The following MED27 variants were observed in gnomAD, a reference collection of about 807,000 sequenced individuals.
MED27 encodes the protein mediator complex subunit 27, also known as mediator of RNA polymerase II transcription subunit 27.
In MED27, 30 loss-of-function variants were observed where a neutral mutation model predicts 38.2. The observed-to-expected ratio is 0.79, with a 90% CI of 0.59 to 1.07. The LOEUF (loss-of-function observed/expected upper bound fraction) is 1.07. Among genes scored for constraint, MED27 ranks in the 50% least tolerant of loss-of-function variants. The probability of loss-of-function intolerance (pLI) is 0.00; values close to 1 mark genes in which losing one functional copy is unlikely to be tolerated. For synonymous variants in MED27, 122 were observed against 153.5 expected, an observed-to-expected ratio of 0.79 and a Z score of 1.52; for missense variants, 289 against 397.5, an observed-to-expected ratio of 0.73 and a Z score of 2.32.
chr9:132,034,737 T>C (rs1009603266), intron 2 of MED27, among the ~76,000 whole-genome samples: 1 of 152,164 alleles, frequency 6.6e-6, no homozygotes, highest in Non-Finnish European at 1.5e-5. Context: ...ATGCACTGAC[T>C]GTGGCCTTCA....
intron 3 of MED27, among the ~76,000 whole-genome samples, chr9:131,992,840 T>C (rs1415830629): frequency 6.6e-6 from 1 of 152,184 alleles, no homozygotes; most frequent in African/African-American, 2.4e-5. Context: ...AGCTGGGACA[T>C]ACTACTGCCA....
chr9:131,929,455 T>C (rs1178321095), intron 4 of MED27, among the ~76,000 whole-genome samples: 2 of 152,002 alleles, frequency 1.3e-5, no homozygotes, highest in East Asian at 1.9e-4. Flanking sequence ...TCTTAGATGG[T>C]ATTTCTGGAC....
intron 5 of MED27, among the ~76,000 whole-genome samples, chr9:131,890,975 T>A (rs974047054): frequency 6.6e-6 from 1 of 152,218 alleles, no homozygotes. Flanking sequence ...ATGCACCAAT[T>A]CTAGTACTAG....
At chr9:131,942,400 T>C (rs1203526344) in intron 3 of MED27, among the ~76,000 whole-genome samples, 3 of 152,240 alleles carry the variant, frequency 2.0e-5, no homozygotes, top group Non-Finnish European at 4.4e-5. Context: ...CATTTCTGCA[T>C]GTATATACTT....
chr9:131,875,993 G>A (rs776312474), intron 6 of MED27, among the ~76,000 whole-genome samples: 8 of 152,202 alleles, frequency 5.3e-5, no homozygotes, highest in Admixed American at 3.3e-4. Context: ...ATGACACGGC[G>A]AATGGCTCTT....
chr9:131,874,696 A>T (rs1838898428), intron 6 of MED27, among the ~76,000 whole-genome samples: 1 of 152,134 alleles, frequency 6.6e-6, no homozygotes, highest in Non-Finnish European at 1.5e-5. Context: ...AGCTGCGAGG[A>T]GACGCGCTGG....
chr9:132,075,966 C>A (rs1171930082), intron 2 of MED27, among the ~76,000 whole-genome samples: 1 of 152,192 alleles, frequency 6.6e-6, no homozygotes, highest in Non-Finnish European at 1.5e-5. Flanking sequence ...GAGGATCCCA[C>A]CCACGGGTGC....
intron 5 of MED27, among the ~76,000 whole-genome samples, chr9:131,888,502 G>C (rs762157478): frequency 2.0e-5 from 3 of 152,234 alleles, no homozygotes; most frequent in Non-Finnish European, 4.4e-5. Context: ...GAGGCCTGCT[G>C]CTGTGACAAC....
intron 3 of MED27, among the ~76,000 whole-genome samples, chr9:131,988,518 T>C (rs1831904018): frequency 6.6e-6 from 1 of 152,258 alleles, no homozygotes. Flanking sequence ...GAATAGTAGA[T>C]GTATTTCCAC....
At chr9:132,035,155 C>T (rs1412620294) in intron 2 of MED27, among the ~76,000 whole-genome samples, 1 of 152,184 alleles carries the variant, frequency 6.6e-6, no homozygotes, top group Admixed American at 6.5e-5. Context: ...AGGAAGGAGG[C>T]TTAGAGAAGC....
chr9:131,918,387 T>C (rs1830331395), intron 4 of MED27, among the ~76,000 whole-genome samples: 1 of 152,208 alleles, frequency 6.6e-6, no homozygotes, highest in African/African-American at 2.4e-5. Flanking sequence ...TGGACAGATA[T>C]AAGTGCACCA....
Position 132,021,353 on chromosome 9 carries a change from C to T in MED27, c.349-6886G>A, listed in dbSNP as rs575168607. ...AATAGAAGGAGAATGACTCACATATCTGAATGAATTCACTAACAAAGCAAA... is the reference window on the plus strand; with the variant it reads ...AATAGAAGGAGAATGACTCACATATTTGAATGAATTCACTAACAAAGCAAA... On this transcript the variant is annotated intron_variant, in intron 2 of 7. Transcript: ENST00000292035. 3.2e-4 allele frequency among the ~76,000 whole-genome samples: 48 copies of T among 152,134 alleles called. 1 individual carries two copies. The highest frequency in any genetic ancestry group is 3.0e-3 in the Admixed American group (46 of 15,272).
chr9:131,895,577 G>T (rs1175463362), intron 4 of MED27, among the ~76,000 whole-genome samples: 3 of 152,182 alleles, frequency 2.0e-5, no homozygotes, highest in Non-Finnish European at 4.4e-5. Flanking sequence ...TCAAGCGTTA[G>T]GTTGATAGCT....
rs2131136695 is a variant in MED27 at position 132,051,720 on chromosome 9, A to G, written c.348+25722T>C. On this transcript the variant is annotated intron_variant, in intron 2 of 7. Coordinates refer to ENST00000292035, the MANE Select transcript of MED27 (RefSeq NM_004269.4). This position sits in a 1 kb window ranked among gnomAD's most constrained non-coding sequence, Gnocchi z 4.2. ...AACACTAGCCACATTTCAAGAGCTC[A>G]ACAGTTACATGTGGCTAGTGGCTAC... is the stretch of plus-strand genomic sequence containing the variant. Among the ~76,000 whole-genome samples, 1 of 152,342 alleles carries G rather than the reference A, an allele frequency of 6.6e-6. No homozygotes were observed. The highest frequency in any genetic ancestry group is 3.4e-3 in the Middle Eastern group (1 of 294).
chr9:132,045,329 G>C (rs1352818461), intron 2 of MED27, among the ~76,000 whole-genome samples: 1 of 151,452 alleles, frequency 6.6e-6, no homozygotes, highest in African/African-American at 2.4e-5. Context: ...ATAGAATGTT[G>C]TATGTATGGT....
At chr9:132,014,077 G>A (rs1403791870) in intron 3 of MED27, among the ~76,000 whole-genome samples, 1 of 151,630 alleles carries the variant, frequency 6.6e-6, no homozygotes, top group Non-Finnish European at 1.5e-5. Context: ...ATGGTGGTGT[G>A]CGCTTGTAAT....
chr9:131,878,385 A>G (rs1838975502), intron 6 of MED27, among the ~76,000 whole-genome samples: 1 of 152,228 alleles, frequency 6.6e-6, no homozygotes, highest in South Asian at 2.1e-4. Flanking sequence ...AACATGACCC[A>G]CCATGCACAA....
intron 3 of MED27, among the ~76,000 whole-genome samples, chr9:131,994,264 G>A (rs1832042841): frequency 6.6e-6 from 1 of 152,142 alleles, no homozygotes; most frequent in South Asian, 2.1e-4. Context: ...AGAACTTATT[G>A]TATTTGACAA....
intron 6 of MED27, chr9:131,868,728 C>G: frequency 1.0e-6 from 1 of 985,510 alleles, no homozygotes; most frequent in Non-Finnish European, 1.2e-6. Context: ...CATCCCCGCT[C>G]TCCCAGTTTG....
Sources: gnomAD v4.1 joint callset for allele counts (sites outside exome capture counted in the v4.1 genomes callset) on GRCh38, gnomAD v4.1.1 for gene constraint, Gnocchi (gnomAD v3.1) non-coding constraint, MANE v1.5 for transcripts, NCBI Gene and HGNC (gene_info 2026-07-23, HGNC 2026-07-21) for gene names.